Variants in MYO1F observed in about 807,000 individuals in gnomAD.
MYO1F encodes the protein myosin IF, also known as unconventional myosin-If.
MYO1F carries 60 observed loss-of-function variants against 146.6 expected under a neutral mutation model. The ratio of observed to expected loss-of-function variants is 0.41; its 90% CI spans 0.33 to 0.51. The LOEUF is 0.51. MYO1F is among the 20% of genes least tolerant of loss of function. The pLI is 0.25. For missense variants in MYO1F, 1,274 were observed against 1,534.3 expected, an observed-to-expected ratio of 0.83 and a Z score of 2.83; for synonymous variants, 602 against 602.1, an observed-to-expected ratio of 1.00 and a Z score of 0.00.
At chr19:8,547,867 C>T in intron 12 of MYO1F, 169 bp downstream of exon 12, 1 of 653,792 alleles carries the variant, frequency 1.5e-6, no homozygotes. Flanking sequence ...CTTCCCAAAG[C>T]TTTAGAGGCA....
At chr19:8,568,646 G>T (rs11671997) in intron 1 of MYO1F, among the ~76,000 whole-genome samples, 38,010 of 151,724 alleles carry the variant, frequency 0.25, 5,405 homozygotes, top group East Asian at 0.59. Flanking sequence ...ATTTGGCCGC[G>T]CATGGTGGCT....
chr19:8,526,317 A>ACTC lies in MYO1F; in HGVS notation c.2770+133_2770+135dup, dbSNP rs1485489025. 23 of 1,347,942 alleles carry ACTC rather than the reference A, an allele frequency of 1.7e-5. No homozygotes were observed. The Admixed American group carries it at 4.4e-4, about 26-fold the overall frequency. The allele number at this position is 1,347,942 out of a possible 1,614,324, so 83.5% of individuals were successfully genotyped here. On this transcript the variant is annotated intron_variant, in intron 24 of 27. Transcript: ENST00000644032. ...ACTCCAGCCTGGGCGACAGAGTGAG[A>ACTC]CTCCGTCTTAAAAAAACCACAAAAC...
rs1238246191 is a variant in MYO1F, at chr19:8,522,726, G to T, written c.2958C>A (p.Ser986=). The T allele has an allele frequency of 6.2e-7, 1 of 1,613,518 alleles. No individual in the cohort carries two copies. The highest frequency in any genetic ancestry group is 8.5e-7 in the Non-Finnish European group (1 of 1,179,922). Residue 986 remains serine (S), a synonymous_variant, in exon 26 of 28, where the codon TCC becomes TCA. Transcript: ENST00000644032. ...GTCGTCTGCTGGCTCCCAGGGATGT[G>T]GACGGAGGGCCCCGGGGAGGCCTGT... ...GTHRPPRGPP[S]TSLGASRRPR...
intron 19 of MYO1F, among the ~76,000 whole-genome samples, chr19:8,531,231 C>T (rs1338721941): frequency 6.6e-6 from 1 of 151,780 alleles, no homozygotes; most frequent in Non-Finnish European, 1.5e-5. Flanking sequence ...CCTGTAATAC[C>T]AGCTACTCAG....
rs373783374 is a variant in MYO1F at position 8,555,713 on chromosome 19, G to A, written c.87C>T (p.Thr29=). The change falls in exon 2 of 28, where the codon ACC becomes ACT. Residue 29 remains threonine (T), a synonymous_variant. Coordinates refer to ENST00000644032, the MANE Select transcript of MYO1F (RefSeq NM_012335.4). ...VDDMVLLPQI[T]EDAIAANLRK... is the part of the protein sequence containing the mutation. ...GGAGGTTGGCGGCAATGGCGTCTTC[G>A]GTGATCTGGGGAAGAAGCACCATGT... 5.6e-6 allele frequency: 9 copies of A among 1,614,124 alleles called. No individual in the cohort carries two copies. The highest frequency in any genetic ancestry group is 2.7e-5 in the African/African-American group (2 of 75,056).
chr19:8,537,034 C>T lies in MYO1F; in HGVS notation c.1714G>A (p.Ala572Thr), dbSNP rs1268599186. ...TGGGGTGTGCACCTCATCAGTGTGG[C>T]CACCAGGTCGTTGGCTTGTTTCTGA... is the stretch of plus-strand genomic sequence containing the variant. The part of the protein sequence containing the change: ...KIKKQANDLV[A>T]TLMRCTPHYI... The change falls in exon 17 of 28, where the codon GCC (alanine) becomes ACC (threonine). Residue 572 changes from alanine to threonine, a missense_variant. Coordinates refer to ENST00000644032, the MANE Select transcript of MYO1F (RefSeq NM_012335.4). 1.2e-5 allele frequency: 19 copies of T among 1,612,604 alleles called. No individual in the cohort carries two copies. The highest frequency in any genetic ancestry group is 1.6e-5 in the Non-Finnish European group (19 of 1,179,600).
At chr19:8,548,381 A>G in intron 10 of MYO1F, 64 bp from the exon 11 acceptor site, 1 of 1,492,806 alleles carries the variant, frequency 6.7e-7, no homozygotes, top group Non-Finnish European at 9.3e-7. Context: ...CCTGCCCACC[A>G]CTCCTTAGAC....
At chr19:8,533,499 C>T (rs1029072477) in intron 19 of MYO1F, among the ~76,000 whole-genome samples, 22 of 152,026 alleles carry the variant, frequency 1.4e-4, no homozygotes, top group Admixed American at 8.5e-4. Context: ...GGACTACAGG[C>T]GCCCGCCACC....
chr19:8,555,525 T>G, intron 2 of MYO1F, 134 bp downstream of exon 2: 2 of 1,237,164 alleles, frequency 1.6e-6, no homozygotes, highest in Non-Finnish European at 2.3e-6. Context: ...GCTGTCACTC[T>G]GTCTGTCCTC....
At chr19:8,543,726 CTGGTGGTGCTGG>C in intron 14 of MYO1F, among the ~76,000 whole-genome samples, 1 of 12,444 alleles carries the variant, frequency 8.0e-5, no homozygotes, top group Non-Finnish European at 1.6e-4. Context: ...GGTGGTGGTG[CTGGTGGTGCTGG>C]TGGTGCTGGT....
At position 8,545,707 on chromosome 19, in the gene MYO1F, C is replaced by A; in HGVS notation, c.1299G>T (p.Trp433Cys). 1 of 1,614,092 alleles carries A rather than the reference C, an allele frequency of 6.2e-7. No individual in the cohort carries two copies. The highest frequency in any genetic ancestry group is 8.5e-7 in the Non-Finnish European group (1 of 1,179,988). ...TGTTGTTGAAGTACTGGATTGGAGT[C>A]CAGCGGATGCCTTCCTGCACATACT... ...QEEYVQEGIR[W>C]TPIQYFNNKV... Residue 433 changes from tryptophan (W) to cysteine (C), a missense_variant, in exon 13 of 28, where the codon TGG becomes TGT. Physicochemically the swap from Trp to Cys is radical, Grantham distance 215. Coordinates refer to ENST00000644032, the MANE Select transcript of MYO1F (RefSeq NM_012335.4).
chr19:8,542,068 C>T (rs1972999393), intron 14 of MYO1F, 77 bp from the exon 15 acceptor site: 1 of 1,214,180 alleles, frequency 8.2e-7, no homozygotes, highest in Non-Finnish European at 1.2e-6. Flanking sequence ...GCTTACAGCC[C>T]AGGTGGTCAA....
rs748398133 is a variant in MYO1F at position 8,530,805 on chromosome 19, C to G, written c.2044-232G>C. ...CTGTAATCCTAGCACTTCGGGAGGC[C>G]GAGGCGGGTGGATCACCTGAGGTCA... On this transcript the variant is annotated intron_variant, in intron 19 of 27. Transcript: ENST00000644032. The surrounding 1 kb of genome is among the most constrained non-coding windows in gnomAD (Gnocchi z 5.8). 6.6e-6 allele frequency among the ~76,000 whole-genome samples: 1 copy of G among 152,104 alleles called. No homozygotes were observed. Among genetic ancestry groups the G allele is most frequent in the Non-Finnish European group, 1.5e-5 (1 of 68,014 alleles).
At chr19:8,550,748 C>T (rs1973570597) in intron 8 of MYO1F, 54 bp from the exon 9 acceptor site, 1 of 1,611,620 alleles carries the variant, frequency 6.2e-7, no homozygotes. Flanking sequence ...TCCAACCTGC[C>T]TCCAGGGGCA....
chr19:8,553,561 A>G (rs1599998887), intron 4 of MYO1F, 124 bp from the exon 5 acceptor site: 2 of 785,904 alleles, frequency 2.5e-6, no homozygotes, highest in East Asian at 5.1e-5. Flanking sequence ...GGATACTGTA[A>G]TGAACAAGAC....
In MYO1F at chr19:8,526,547, G is replaced by C. The variant is rs958483643; in HGVS notation, c.2676C>G (p.Val892=). The C allele has an allele frequency of 5.0e-6, 8 of 1,595,574 alleles. No homozygotes were observed. The African/African-American group carries it at 1.1e-4, about 21-fold the overall frequency. ...EGWGGGGTRS[V]TFSRGFGDLA... is the part of the protein sequence containing the mutation. Reference sequence around the variant, plus strand: ...AGTCGCCGAAGCCGCGGGAGAAGGTGACGCTGCGGGTGCCGCCACCGCCCC... The same window carrying C: ...AGTCGCCGAAGCCGCGGGAGAAGGTCACGCTGCGGGTGCCGCCACCGCCCC... The change falls in exon 24 of 28, where the codon GTC becomes GTG. Residue 892 remains valine (V), a synonymous_variant. Coordinates refer to ENST00000644032, the MANE Select transcript of MYO1F (RefSeq NM_012335.4).
chr19:8,526,604 A>G lies in MYO1F; in HGVS notation c.2622-3T>C, dbSNP rs756015250. 6.3e-6 allele frequency: 10 copies of G among 1,592,346 alleles called. No homozygotes were observed. Among genetic ancestry groups the G allele is most frequent in the Non-Finnish European group, 7.7e-6 (9 of 1,171,654 alleles). ...CCTTCTTCACCCGAAACTGTAGTCT[A>G]TGGGGAGAGAAGAAAGCTTGGGGGC... On this transcript the variant is annotated splice_polypyrimidine_tract_variant and splice_region_variant and intron_variant, in intron 23 of 27. Transcript: ENST00000644032.
chr19:8,547,224 C>T (rs182043976), intron 12 of MYO1F, among the ~76,000 whole-genome samples: 22 of 150,046 alleles, frequency 1.5e-4, no homozygotes, highest in Admixed American at 1.4e-3. Flanking sequence ...TTGCTTGAGC[C>T]CAGGAGGTGT....
At chr19:8,568,249 C>T (rs533265906) in intron 1 of MYO1F, among the ~76,000 whole-genome samples, 2 of 151,898 alleles carry the variant, frequency 1.3e-5, no homozygotes, top group East Asian at 3.9e-4. Flanking sequence ...CGGTGAAACC[C>T]CGTCTCTACT....
Sources: gnomAD v4.1 joint callset for allele counts (sites outside exome capture counted in the v4.1 genomes callset) on GRCh38, gnomAD v4.1.1 for gene constraint, Gnocchi (gnomAD v3.1) non-coding constraint, MANE v1.5 for transcripts, NCBI Gene and HGNC (gene_info 2026-07-23, HGNC 2026-07-21) for gene names.